Variants in CADPS observed in about 807,000 individuals in gnomAD.
The protein encoded by CADPS is calcium dependent secretion activator.
In CADPS, 57 loss-of-function variants were observed where a neutral mutation model predicts 167.3. The ratio of observed to expected loss-of-function variants is 0.34; its 90% CI spans 0.28 to 0.42. CADPS has a LOEUF of 0.42. CADPS is among the 20% of genes least tolerant of loss of function. The pLI is 1.00. For missense variants in CADPS, 1,414 were observed against 1,738.1 expected (o/e 0.81, Z 3.32); for synonymous variants, 676 against 635.3 (o/e 1.06, Z -0.96).
intron 3 of CADPS, among the ~76,000 whole-genome samples, chr3:62,703,322 A>C (rs1196448267): frequency 2.0e-5 from 3 of 152,162 alleles, no homozygotes; most frequent in African/African-American, 7.2e-5. Flanking sequence ...ACCAGAAGTC[A>C]CTTAATCCAG....
chr3:62,550,066 G>C lies in CADPS; in HGVS notation c.1803C>G (p.Thr601=), dbSNP rs770889749. ...GTTCATCGTCACTGGCAAATATCAC[G>C]GTGTCTCCCTCCTTGACAGCATTGA... is the stretch of plus-strand genomic sequence containing the variant. The part of the protein sequence containing the change: ...AFFNAVKEGD[T]VIFASDDEQD... Residue 601 remains threonine, a synonymous_variant, in exon 11 of 30, where the codon ACC becomes ACG. Coordinates refer to ENST00000383710, the MANE Select transcript of CADPS (RefSeq NM_003716.4). 6.8e-6 allele frequency: 11 copies of C among 1,613,970 alleles called. No individual in the cohort carries two copies. Among genetic ancestry groups the C allele is most frequent in the South Asian group, 2.2e-5 (2 of 91,082 alleles).
chr3:62,573,972 C>T (rs903709356), intron 8 of CADPS, among the ~76,000 whole-genome samples: 7 of 152,174 alleles, frequency 4.6e-5, no homozygotes, highest in East Asian at 1.9e-4. Context: ...CATGCTCTTG[C>T]GAGATCAGAG....
intron 1 of CADPS, among the ~76,000 whole-genome samples, chr3:62,854,536 G>A (rs1370039848): frequency 1.3e-5 from 2 of 152,330 alleles, no homozygotes; most frequent in African/African-American, 2.4e-5. Flanking sequence ...TTACAATGAG[G>A]AAAGTACTAA....
chr3:62,651,174 A>G (rs2070022575), intron 4 of CADPS, 94 bp from the exon 5 acceptor site: 1 of 814,214 alleles, frequency 1.2e-6, no homozygotes, highest in Admixed American at 2.4e-5. Flanking sequence ...TTAGAATCAC[A>G]TCTACTACTA....
At chr3:62,683,910 G>A (rs2077541462) in intron 3 of CADPS, among the ~76,000 whole-genome samples, 1 of 151,992 alleles carries the variant, frequency 6.6e-6, no homozygotes. Context: ...TTCTCAATAT[G>A]TCATATCAAA....
At chr3:62,834,240 T>G (rs999642896) in intron 1 of CADPS, among the ~76,000 whole-genome samples, 1 of 152,168 alleles carries the variant, frequency 6.6e-6, no homozygotes, top group Non-Finnish European at 1.5e-5. Context: ...ACTTCAGGCC[T>G]GGAAGCACCT....
At chr3:62,452,588 G>A (rs2058207243) in intron 26 of CADPS, among the ~76,000 whole-genome samples, 2 of 152,154 alleles carry the variant, frequency 1.3e-5, no homozygotes, top group South Asian at 4.1e-4. Flanking sequence ...ATTGGAGGAG[G>A]AAGCAGGAGA....
At position 62,445,788 on chromosome 3, in the gene CADPS, C is replaced by T; in HGVS notation, c.3646G>A (p.Ala1216Thr). Residue 1216 changes from alanine to threonine, a missense_variant, in exon 27 of 30, where the codon GCT becomes ACT. Physicochemically the swap from Ala to Thr is moderately conservative, Grantham distance 58. Transcript: ENST00000383710. ...ACAGGTACATCCACATATTTGGAAGCTGCCTTCACCTAAAGAGGAAAGAAG... is the reference window on the plus strand; with the variant it reads ...ACAGGTACATCCACATATTTGGAAGTTGCCTTCACCTAAAGAGGAAAGAAG... ...SSFLSFTVKA[A>T]SKYVDVPKPG... is the part of the protein sequence containing the mutation. The T allele has an allele frequency of 6.6e-7, 1 of 1,517,904 alleles. No homozygotes were observed. The allele number at this position is 1,517,904 out of a possible 1,614,324, so 94.0% of individuals were successfully genotyped here.
Position 62,875,293 on chromosome 3 carries a change from A to C in CADPS, c.-264T>G. On this transcript the variant is annotated 5_prime_UTR_variant, in exon 1 of 30. Coordinates refer to ENST00000383710, the MANE Select transcript of CADPS (RefSeq NM_003716.4). Reference sequence around the variant, plus strand: ...TCGAGGTGGGCAAGGGGGAGAATCAATTGCGAGCCCCGAGCCCGCAGCCGG... The same window carrying C: ...TCGAGGTGGGCAAGGGGGAGAATCACTTGCGAGCCCCGAGCCCGCAGCCGG... The C allele has an allele frequency of 4.0e-6, 1 of 248,140 alleles. No individual in the cohort carries two copies. The highest frequency in any genetic ancestry group is 1.5e-4 in the South Asian group (1 of 6,652). The allele number at this position is 248,140 out of a possible 1,614,324, so 15.4% of individuals were successfully genotyped here.
intron 3 of CADPS, among the ~76,000 whole-genome samples, chr3:62,663,787 T>C (rs993739233): frequency 6.6e-6 from 1 of 152,214 alleles, no homozygotes; most frequent in Non-Finnish European, 1.5e-5. Context: ...CATCTGGCTT[T>C]ATGCTGTACA....
intron 6 of CADPS, among the ~76,000 whole-genome samples, chr3:62,612,882 G>A (rs2061691718): frequency 6.6e-6 from 1 of 152,172 alleles, no homozygotes; most frequent in Admixed American, 6.5e-5. Flanking sequence ...CACTGTTCTG[G>A]GCGCTGGCAA....
intron 1 of CADPS, among the ~76,000 whole-genome samples, chr3:62,794,109 A>G (rs2093188359): frequency 6.6e-6 from 1 of 152,208 alleles, no homozygotes; most frequent in African/African-American, 2.4e-5. Context: ...TAAATAAAAA[A>G]TATGATGGAA....
chr3:62,693,630 A>G (rs531329490), intron 3 of CADPS, among the ~76,000 whole-genome samples: 1 of 151,924 alleles, frequency 6.6e-6, no homozygotes, highest in East Asian at 2.0e-4. Flanking sequence ...AAAAATACAA[A>G]AAAAATTAGC....
intron 8 of CADPS, among the ~76,000 whole-genome samples, chr3:62,571,517 A>C (rs1476867620): frequency 6.6e-6 from 1 of 152,152 alleles, no homozygotes; most frequent in African/African-American, 2.4e-5. Flanking sequence ...AGGGTTGAGA[A>C]CTACAGAGGC....
At chr3:62,676,076 T>G (rs538785994) in intron 3 of CADPS, among the ~76,000 whole-genome samples, 7 of 152,176 alleles carry the variant, frequency 4.6e-5, no homozygotes, top group Admixed American at 1.3e-4. Flanking sequence ...ATGGCAATTG[T>G]GTTTTTAAAA....
chr3:62,639,796 A>G (rs1023760800), intron 6 of CADPS, among the ~76,000 whole-genome samples: 4 of 151,606 alleles, frequency 2.6e-5, no homozygotes, highest in African/African-American at 9.7e-5. Context: ...TGCTCTCTGC[A>G]CTCTCCCTGT....
At position 62,601,648 on chromosome 3, in the gene CADPS, C is replaced by T. The variant is rs1236757851; in HGVS notation, c.1326-8900G>A. On this transcript the variant is annotated intron_variant, in intron 6 of 29. Transcript: ENST00000383710. The surrounding 1 kb of genome is among the most constrained non-coding windows in gnomAD (Gnocchi z 4.3). ...CTTGTGTATCATAGCATTTCAGACA[C>T]GTGGTGCCCAAATGCTGCTTCCTGA... 2.6e-5 allele frequency among the ~76,000 whole-genome samples: 4 copies of T among 152,186 alleles called. No homozygotes were observed. Among genetic ancestry groups the T allele is most frequent in the Admixed American group, 1.3e-4 (2 of 15,272 alleles).
chr3:62,492,530 G>C (rs1310250767), intron 19 of CADPS, 84 bp from the exon 20 acceptor site: 1 of 1,326,266 alleles, frequency 7.5e-7, no homozygotes, highest in African/African-American at 1.5e-5. Flanking sequence ...AGCCCTCACT[G>C]TTCAAAATTA....
chr3:62,494,465 T>C (rs1366411881), intron 18 of CADPS, among the ~76,000 whole-genome samples: 2 of 152,240 alleles, frequency 1.3e-5, no homozygotes, highest in East Asian at 1.9e-4. Flanking sequence ...TGTTGGCTAG[T>C]ACTTATTCTT....
Sources: gnomAD v4.1 joint callset for allele counts (sites outside exome capture counted in the v4.1 genomes callset) on GRCh38, gnomAD v4.1.1 for gene constraint, Gnocchi (gnomAD v3.1) non-coding constraint, MANE v1.5 for transcripts, NCBI Gene and HGNC (gene_info 2026-07-23, HGNC 2026-07-21) for gene names.